Variants in ATP8A2 observed in about 807,000 individuals in gnomAD.
ATP8A2 encodes the protein phospholipid-transporting ATPase IB.
Under a neutral mutation model 165.6 loss-of-function variants are expected in ATP8A2, and 100 were observed. The observed-to-expected ratio is 0.60, with a 90% confidence interval of 0.51 to 0.71. The LOEUF (loss-of-function observed/expected upper bound fraction) is 0.71. Ranked by LOEUF, ATP8A2 falls within the 30% of genes least tolerant of loss-of-function variation. The pLI is 0.00. For synonymous variants in ATP8A2, 543 were observed against 548.8 expected (o/e 0.99, Z 0.15); for missense variants, 1,227 against 1,479.5 (o/e 0.83, Z 2.80).
intron 35 of ATP8A2, among the ~76,000 whole-genome samples, chr13:25,996,949 G>T (rs1275419726): frequency 6.6e-6 from 1 of 152,210 alleles, no homozygotes; most frequent in African/African-American, 2.4e-5. Context: ...CTCCCAAAAT[G>T]CTGGGATTAC....
chr13:25,724,067 T>A (rs973356839), intron 25 of ATP8A2, among the ~76,000 whole-genome samples: 3 of 152,150 alleles, frequency 2.0e-5, no homozygotes, highest in Non-Finnish European at 4.4e-5. Context: ...TCTAAGGAAC[T>A]GAATTCTGTC....
At chr13:25,606,046 A>G (rs66510323) in intron 24 of ATP8A2, among the ~76,000 whole-genome samples, 18,362 of 152,174 alleles carry the variant, frequency 0.12, 1,419 homozygotes, top group Non-Finnish European at 0.18. Context: ...AAAAGAGCTT[A>G]CCACAGTTCT....
At chr13:25,839,478 TG>T (rs1951704471) in intron 29 of ATP8A2, 67 bp from the exon 30 acceptor site, 3 of 1,076,668 alleles carry the variant, frequency 2.8e-6, no homozygotes, top group African/African-American at 3.1e-5. Context: ...ATGTGGCGTT[TG>T]TTGAGAGTTT....
chr13:25,466,960 C>A (rs1307017845), intron 1 of ATP8A2, among the ~76,000 whole-genome samples: 3 of 152,204 alleles, frequency 2.0e-5, no homozygotes, highest in Admixed American at 1.3e-4. Flanking sequence ...AGGCTAGCTT[C>A]AAAAATATTC....
chr13:25,749,141 T>C (rs985575660), intron 25 of ATP8A2, among the ~76,000 whole-genome samples: 1 of 152,208 alleles, frequency 6.6e-6, no homozygotes, highest in Non-Finnish European at 1.5e-5. Flanking sequence ...AGTTGACACT[T>C]TCTAACTCTT....
Position 25,581,826 on chromosome 13 carries a change from T to C in ATP8A2, c.2015T>C (p.Leu672Pro). ...GATATTTTTTCAATGTAGAATTTGC[T>C]GCTACTTGGAGCCACAGCCATAGAA... ...ECYEIIEKNL[L>P]LLGATAIEDR... Residue 672 changes from leucine (L) to proline (P), a missense_variant, in exon 23 of 37, where the codon CTG (leucine) becomes CCG (proline). By Grantham distance (98) the Leu-to-Pro change is moderately conservative. Around this residue, in one of 5 missense-constraint regions of ATP8A2, gnomAD observed 592 missense variants for 785.6 expected, o/e 0.75. Transcript: ENST00000381655. The C allele has an allele frequency of 6.2e-7, 1 of 1,614,006 alleles. No individual in the cohort carries two copies. The highest frequency in any genetic ancestry group is 1.3e-5 in the African/African-American group (1 of 75,044).
chr13:25,736,563 T>TA (rs2043773754), intron 25 of ATP8A2, among the ~76,000 whole-genome samples: 1 of 152,126 alleles, frequency 6.6e-6, no homozygotes, highest in Non-Finnish European at 1.5e-5. Flanking sequence ...GAATGAAGGG[T>TA]CAGTGTAACT....
At chr13:25,395,402 C>T (rs137873898) in intron 1 of ATP8A2, among the ~76,000 whole-genome samples, 6 of 152,118 alleles carry the variant, frequency 3.9e-5, no homozygotes, top group East Asian at 1.9e-4. Context: ...GCTTTCCCTT[C>T]GCCCTCTGAA....
intron 1 of ATP8A2, among the ~76,000 whole-genome samples, chr13:25,384,556 C>T (rs781153935): frequency 5.3e-5 from 8 of 152,262 alleles, no homozygotes; most frequent in Non-Finnish European, 7.4e-5. Flanking sequence ...TTTGGTAATT[C>T]GCTCTTCAGC....
chr13:25,717,622 A>G (rs1346655026), intron 25 of ATP8A2, among the ~76,000 whole-genome samples: 1 of 152,234 alleles, frequency 6.6e-6, no homozygotes, highest in Non-Finnish European at 1.5e-5. Context: ...GATTGAATGA[A>G]GAAATATACA....
intron 24 of ATP8A2, among the ~76,000 whole-genome samples, chr13:25,690,854 T>C (rs7318254): frequency 0.1 from 15,913 of 152,138 alleles, 954 homozygotes; most frequent in East Asian, 0.26. Flanking sequence ...GATTTCTACC[T>C]AAGAGTAATA....
At chr13:25,908,176 T>G (rs908600059) in intron 33 of ATP8A2, among the ~76,000 whole-genome samples, 4 of 151,928 alleles carry the variant, frequency 2.6e-5, no homozygotes, top group Non-Finnish European at 5.9e-5. Flanking sequence ...CCCATGGTTT[T>G]CTACCGAGGC....
intron 2 of ATP8A2, among the ~76,000 whole-genome samples, chr13:25,514,486 G>A (rs918558058): frequency 6.6e-6 from 1 of 152,132 alleles, no homozygotes; most frequent in Admixed American, 6.5e-5. Context: ...CTCACTTTTC[G>A]GTGAAGGACT....
intron 1 of ATP8A2, among the ~76,000 whole-genome samples, chr13:25,391,728 A>G (rs566599342): frequency 5.9e-5 from 9 of 152,302 alleles, no homozygotes; most frequent in Non-Finnish European, 8.8e-5. Flanking sequence ...AGAAACTTAC[A>G]TGTATGGATG....
At chr13:25,764,609 A>G (rs1362863464) in intron 25 of ATP8A2, among the ~76,000 whole-genome samples, 1 of 152,234 alleles carries the variant, frequency 6.6e-6, no homozygotes, top group Non-Finnish European at 1.5e-5. Flanking sequence ...CTTTCTGATC[A>G]GAGGCTGTAC....
chr13:25,922,997 C>T (rs186319095), intron 33 of ATP8A2, among the ~76,000 whole-genome samples: 16 of 152,222 alleles, frequency 1.1e-4, no homozygotes, highest in African/African-American at 3.1e-4. Flanking sequence ...GACTCTTTTC[C>T]GTTGATTTTC....
chr13:25,847,806 C>A (rs1951903834), intron 30 of ATP8A2, among the ~76,000 whole-genome samples: 1 of 152,140 alleles, frequency 6.6e-6, no homozygotes, highest in Non-Finnish European at 1.5e-5. Flanking sequence ...TAGCAAATGC[C>A]TCCCCTGCCT....
At chr13:25,906,015 T>G (rs1953926324) in intron 33 of ATP8A2, among the ~76,000 whole-genome samples, 1 of 152,234 alleles carries the variant, frequency 6.6e-6, no homozygotes, top group Non-Finnish European at 1.5e-5. Flanking sequence ...TCTCTGCAGT[T>G]TTTTTTCTAG....
chr13:25,670,447 G>T (rs1441688651), intron 24 of ATP8A2, among the ~76,000 whole-genome samples: 1 of 152,062 alleles, frequency 6.6e-6, no homozygotes, highest in African/African-American at 2.4e-5. Flanking sequence ...CTTGCTGCAG[G>T]TTCCCTCTCT....
Sources: gnomAD v4.1 joint callset for allele counts (sites outside exome capture counted in the v4.1 genomes callset) on GRCh38, gnomAD v4.1.1 for gene constraint, gnomAD v4.1.1 regional missense constraint, MANE v1.5 for transcripts, NCBI Gene and HGNC (gene_info 2026-07-23, HGNC 2026-07-21) for gene names.